Variants in INSL6 observed in about 807,000 individuals in gnomAD.
INSL6 encodes insulin like 6.
A neutral mutation model predicts 9.4 loss-of-function variants in INSL6; 16 were observed. The observed-to-expected ratio is 1.70, with a 90% confidence interval of 1.15 to 2.59. The LOEUF (loss-of-function observed/expected upper bound fraction) is 2.59. Ranked by LOEUF, INSL6 falls within the 30% of genes most tolerant of loss-of-function variation. The pLI is 0.00. For synonymous variants in INSL6, 154 were observed against 96.9 expected, an observed-to-expected ratio of 1.59 and a Z score of -3.46; for missense variants, 391 against 257.3, an observed-to-expected ratio of 1.52 and a Z score of -3.56.
chr9:5,112,783 C>T, the INSL6 span: 2 of 582,342 alleles, frequency 3.4e-6, no homozygotes, highest in African/African-American at 1.9e-5. Flanking sequence ...TCGGAGGCCC[C>T]CAGATGGTGC....
At chr9:5,001,625 ATTT>A in the INSL6 span, among the ~76,000 whole-genome samples, 1 of 143,356 alleles carries the variant, frequency 7.0e-6, no homozygotes. Flanking sequence ...TTTGCCTGTA[ATTT>A]TTTTTTTTTT....
chr9:5,081,295 TTC>T, the INSL6 span, among the ~76,000 whole-genome samples: 2 of 151,928 alleles, frequency 1.3e-5, no homozygotes, highest in Admixed American at 6.6e-5. Flanking sequence ...TAAAAAACAA[TTC>T]TCTTTAACAT....
chr9:5,164,634 T>TG (rs1387299616), intron 1 of INSL6, among the ~76,000 whole-genome samples: 1 of 152,186 alleles, frequency 6.6e-6, no homozygotes, highest in African/African-American at 2.4e-5. Flanking sequence ...TAGCAGTCAT[T>TG]TCCATTTCCC....
the INSL6 span, among the ~76,000 whole-genome samples, chr9:5,061,973 A>C: frequency 3.9e-5 from 6 of 152,186 alleles, no homozygotes; most frequent in Non-Finnish European, 8.8e-5. Flanking sequence ...AGAGGGAAAA[A>C]GAAAGGGAAA....
the INSL6 span, among the ~76,000 whole-genome samples, chr9:5,017,350 G>A: frequency 0.35 from 52,835 of 151,968 alleles, 9,839 homozygotes; most frequent in African/African-American, 0.49. Context: ...GTCAGTGGTG[G>A]GCACAAACTG....
intron 1 of INSL6, among the ~76,000 whole-genome samples, chr9:5,178,038 G>C (rs1220061231): frequency 1.3e-5 from 2 of 152,138 alleles, no homozygotes; most frequent in African/African-American, 4.8e-5. Context: ...ACCATGCCTA[G>C]CTAATTTTTG....
chr9:5,034,119 C>T, the INSL6 span, among the ~76,000 whole-genome samples: 1 of 152,084 alleles, frequency 6.6e-6, no homozygotes, highest in Non-Finnish European at 1.5e-5. Flanking sequence ...GACTTTAAAC[C>T]AACAAAGATC....
rs775459055 is a variant in INSL6 at position 5,164,280 on chromosome 9, G to C, written c.290-15C>G. On this transcript the variant is annotated splice_polypyrimidine_tract_variant and intron_variant, in intron 1 of 1. Coordinates refer to ENST00000381641, the MANE Select transcript of INSL6 (RefSeq NM_007179.3). ...AGAAGTAGACACTGTTGAGAGAGAA[G>C]AAAATAAATGCTCCTTTATTAAAAT... is the stretch of plus-strand genomic sequence containing the variant. 8.1e-6 allele frequency: 12 copies of C among 1,476,416 alleles called. No homozygotes were observed. In the South Asian group the frequency reaches 1.1e-4, roughly 13 times the overall value. 91.5% of individuals were successfully genotyped at this position (1,476,416 alleles called of 1,614,324 possible). A position where few individuals can be genotyped will look rare whatever the true frequency, so the allele number is the denominator to read the frequency against.
At chr9:5,036,826 C>T in the INSL6 span, among the ~76,000 whole-genome samples, 3 of 151,884 alleles carry the variant, frequency 2.0e-5, no homozygotes, top group Non-Finnish European at 4.4e-5. Context: ...TCTAAAACAC[C>T]AAAAGCAATG....
chr9:5,025,806 A>G, the INSL6 span, among the ~76,000 whole-genome samples: 11 of 152,192 alleles, frequency 7.2e-5, no homozygotes, highest in Non-Finnish European at 1.6e-4. Flanking sequence ...TGTGTGAGCC[A>G]CTGCACCCAG....
chr9:5,165,818 C>A lies in INSL6; in HGVS notation c.290-1553G>T, dbSNP rs372544290. 6.6e-5 allele frequency among the ~76,000 whole-genome samples: 10 copies of A among 152,268 alleles called. No individual in the cohort carries two copies. The East Asian group carries it at 1.7e-3, about 26-fold the overall frequency. ...AATTATTTGAAGACTTATTGTACTT[C>A]CATTATGGCCCTTGCTCATCTACAG... is the stretch of plus-strand genomic sequence containing the variant. On this transcript the variant is annotated intron_variant, in intron 1 of 1. Coordinates refer to ENST00000381641, the MANE Select transcript of INSL6 (RefSeq NM_007179.3).
intron 1 of INSL6, 103 bp downstream of exon 1, chr9:5,185,211 G>A (rs1825540854): frequency 2.1e-6 from 3 of 1,420,426 alleles, no homozygotes; most frequent in African/African-American, 2.8e-5. Context: ...TGTGTACTAG[G>A]CACAAATTCC....
chr9:4,995,628 C>A, the INSL6 span, among the ~76,000 whole-genome samples: 7 of 152,078 alleles, frequency 4.6e-5, no homozygotes, highest in Non-Finnish European at 1.0e-4. Context: ...ATTGTGAGTT[C>A]TTGGGTAGTG....
the INSL6 span, chr9:5,094,266 A>G: frequency 6.6e-6 from 1 of 152,334 alleles, no homozygotes; most frequent in East Asian, 1.9e-4. Context: ...ACGACCCTCA[A>G]CGTCTACTGT....
At chr9:5,165,337 T>C (rs1825027461) in intron 1 of INSL6, among the ~76,000 whole-genome samples, 1 of 152,252 alleles carries the variant, frequency 6.6e-6, no homozygotes, top group African/African-American at 2.4e-5. Context: ...ATTTGTTTGA[T>C]GTTTTGAGGA....
At chr9:5,175,362 G>T (rs1172097372) in intron 1 of INSL6, among the ~76,000 whole-genome samples, 2 of 152,044 alleles carry the variant, frequency 1.3e-5, no homozygotes, top group African/African-American at 4.8e-5. Context: ...CTCCCTAACA[G>T]GTCTCTCTGT....
chr9:5,027,604 G>A, the INSL6 span, among the ~76,000 whole-genome samples: 2 of 152,126 alleles, frequency 1.3e-5, no homozygotes, highest in Non-Finnish European at 2.9e-5. Flanking sequence ...TCTGTAGTAT[G>A]CAATGCTATT....
At chr9:5,125,794 T>C (rs369547942) in intron 3 of INSL6, among the ~76,000 whole-genome samples, 2 of 151,588 alleles carry the variant, frequency 1.3e-5, no homozygotes, top group Non-Finnish European at 3.0e-5. Context: ...ATGTGAATTA[T>C]CTCTTCTGTG....
downstream of INSL6, among the ~76,000 whole-genome samples, chr9:5,162,153 A>G (rs1030102648): frequency 3.3e-5 from 5 of 152,128 alleles, no homozygotes; most frequent in Non-Finnish European, 7.4e-5. Context: ...TAAAATCTTG[A>G]TCCAGTTCTA....
Sources: gnomAD v4.1 joint callset for allele counts (sites outside exome capture counted in the v4.1 genomes callset) on GRCh38, gnomAD v4.1.1 for gene constraint, MANE v1.5 for transcripts, NCBI Gene and HGNC (gene_info 2026-07-23, HGNC 2026-07-21) for gene names.